The following BTBD9 variants were observed in gnomAD, a reference collection of about 807,000 sequenced individuals.
The protein encoded by BTBD9 is BTB/POZ domain-containing protein 9.
BTBD9 carries 49 observed loss-of-function variants against 64.3 expected under a neutral mutation model. The ratio of observed to expected loss-of-function variants is 0.76; its 90% confidence interval spans 0.61 to 0.97. The LOEUF (loss-of-function observed/expected upper bound fraction) is 0.97. Among genes scored for constraint, BTBD9 ranks in the 50% least tolerant of loss-of-function variants. The pLI is 0.00. For synonymous variants in BTBD9, 260 were observed against 274.7 expected (o/e 0.95, Z 0.53); for missense variants, 598 against 762.1 (o/e 0.78, Z 2.53).
chr6:38,428,691 C>T (rs1468692726), intron 6 of BTBD9, among the ~76,000 whole-genome samples: 1 of 150,176 alleles, frequency 6.7e-6, no homozygotes, highest in Non-Finnish European at 1.5e-5. Flanking sequence ...CTTATTCAGG[C>T]ATTGGAATGA....
At chr6:38,374,305 A>ATATATATATATGTG (rs1459305916) in intron 6 of BTBD9, among the ~76,000 whole-genome samples, 1 of 66,620 alleles carries the variant, frequency 1.5e-5, no homozygotes, top group Non-Finnish European at 3.0e-5. Context: ...ATGTATATAT[A>ATATATATATATGTG]TGTATATATA....
intron 9 of BTBD9, among the ~76,000 whole-genome samples, chr6:38,211,585 A>G (rs749538191): frequency 6.3e-4 from 96 of 152,216 alleles, no homozygotes; most frequent in Non-Finnish European, 7.8e-4. Context: ...TCTACTAAAA[A>G]ATACAAAAAT....
chr6:38,213,720 G>A (rs953612827), intron 9 of BTBD9, among the ~76,000 whole-genome samples: 23 of 152,160 alleles, frequency 1.5e-4, no homozygotes, highest in African/African-American at 5.3e-4. Flanking sequence ...GGTGGCTCAC[G>A]CCTGTAATCC....
At chr6:38,488,362 A>T (rs1771550635) in intron 6 of BTBD9, among the ~76,000 whole-genome samples, 1 of 152,196 alleles carries the variant, frequency 6.6e-6, no homozygotes, top group South Asian at 2.1e-4. Flanking sequence ...GGGGACAAAA[A>T]AAGAAAAAGA....
At chr6:38,415,063 TC>T (rs1225648325) in intron 6 of BTBD9, among the ~76,000 whole-genome samples, 9 of 152,182 alleles carry the variant, frequency 5.9e-5, no homozygotes, top group Non-Finnish European at 1.0e-4. Context: ...GTTGCTTTTT[TC>T]CCCTTTCTAA....
chr6:38,249,471 GC>G (rs927538497), intron 9 of BTBD9, among the ~76,000 whole-genome samples: 3 of 151,860 alleles, frequency 2.0e-5, no homozygotes, highest in African/African-American at 7.3e-5. Flanking sequence ...TCACTATGTT[GC>G]TGGGGCTGGT....
chr6:38,360,996 C>T (rs1441544211), intron 6 of BTBD9, among the ~76,000 whole-genome samples: 1 of 152,198 alleles, frequency 6.6e-6, no homozygotes, highest in East Asian at 1.9e-4. Context: ...GACCTAATGG[C>T]ATCCCTTTCC....
At chr6:38,604,767 A>G (rs1210108139) in intron 1 of BTBD9, among the ~76,000 whole-genome samples, 1 of 152,246 alleles carries the variant, frequency 6.6e-6, no homozygotes, top group Non-Finnish European at 1.5e-5. Flanking sequence ...TATTCAAATA[A>G]TTGGCTATGT....
At chr6:38,333,703 GA>G (rs1295069168) in intron 7 of BTBD9, among the ~76,000 whole-genome samples, 3 of 152,214 alleles carry the variant, frequency 2.0e-5, no homozygotes, top group African/African-American at 7.2e-5. Context: ...TGCAGAAGCA[GA>G]AGCCCGTACA....
chr6:38,224,479 G>C (rs112143639), intron 9 of BTBD9, among the ~76,000 whole-genome samples: 2,383 of 152,272 alleles, frequency 0.016, 46 homozygotes, highest in African/African-American at 0.053. Flanking sequence ...GACCCTTGGG[G>C]TAAAACCAAT....
intron 6 of BTBD9, among the ~76,000 whole-genome samples, chr6:38,503,472 C>T (rs1282382856): frequency 6.6e-6 from 1 of 152,122 alleles, no homozygotes. Flanking sequence ...ACATGCTTCC[C>T]CAACAGCCCT....
intron 6 of BTBD9, among the ~76,000 whole-genome samples, chr6:38,386,814 A>C (rs1194154328): frequency 2.6e-5 from 4 of 151,646 alleles, no homozygotes; most frequent in Admixed American, 6.6e-5. Context: ...GCCAATTTTT[A>C]TACACTTTTG....
intron 6 of BTBD9, among the ~76,000 whole-genome samples, chr6:38,543,343 C>T (rs1349980534): frequency 7.9e-5 from 12 of 152,188 alleles, no homozygotes; most frequent in Admixed American, 7.9e-4. Context: ...TTAACATTAC[C>T]TTGCTTACTG....
At chr6:38,413,086 C>T (rs1767512129) in intron 6 of BTBD9, among the ~76,000 whole-genome samples, 2 of 152,260 alleles carry the variant, frequency 1.3e-5, no homozygotes, top group Admixed American at 1.3e-4. Flanking sequence ...TCAAATTAAG[C>T]TTAGTCCTTC....
chr6:38,634,739 C>A (rs559916716), intron 1 of BTBD9, among the ~76,000 whole-genome samples: 1 of 152,128 alleles, frequency 6.6e-6, no homozygotes, highest in African/African-American at 2.4e-5. Flanking sequence ...TAAATGAAAT[C>A]TGTGTGTGAG....
chr6:38,586,247 A>G (rs150164557), intron 4 of BTBD9, among the ~76,000 whole-genome samples: 109 of 152,352 alleles, frequency 7.2e-4, no homozygotes, highest in African/African-American at 2.5e-3. Flanking sequence ...TGGCAGAGGT[A>G]CAGGTAGTTC....
chr6:38,591,020 C>T (rs951166451), intron 4 of BTBD9, among the ~76,000 whole-genome samples: 1 of 152,180 alleles, frequency 6.6e-6, no homozygotes, highest in African/African-American at 2.4e-5. Flanking sequence ...ACTCTCCTCA[C>T]TGGTCTCTCT....
intron 7 of BTBD9, among the ~76,000 whole-genome samples, chr6:38,304,851 C>T (rs757355689): frequency 2.6e-4 from 40 of 152,254 alleles, no homozygotes; most frequent in Non-Finnish European, 7.4e-5. Flanking sequence ...AGTGGATTTA[C>T]CTTCTGTAAA....
rs1367302708 is a variant in BTBD9, at chr6:38,372,961, T to C, written c.1155-27868A>G. On this transcript the variant is annotated intron_variant, in intron 6 of 10. Coordinates refer to ENST00000481247, the MANE Select transcript of BTBD9 (RefSeq NM_001099272.2). Reference sequence around the variant, plus strand: ...TGATGCTAGGTTTCTCTGTATGTCCTGCAAGCATGCATTTCCTTTTTTATG... The same window carrying C: ...TGATGCTAGGTTTCTCTGTATGTCCCGCAAGCATGCATTTCCTTTTTTATG... Among the ~76,000 whole-genome samples the C allele has an allele frequency of 2.0e-5, 3 of 152,332 alleles. No homozygotes were observed. The East Asian group carries it at 5.8e-4, about 29-fold the overall frequency.
Sources: gnomAD v4.1 joint callset for allele counts (sites outside exome capture counted in the v4.1 genomes callset) on GRCh38, gnomAD v4.1.1 for gene constraint, MANE v1.5 for transcripts, NCBI Gene and HGNC (gene_info 2026-07-23, HGNC 2026-07-21) for gene names.